The following GGH variants were observed in gnomAD, a reference collection of about 807,000 sequenced individuals.
The protein encoded by GGH is gamma-Glu-X carboxypeptidase.
GGH carries 18 observed loss-of-function variants against 39.2 expected under a neutral mutation model. That is an observed-to-expected ratio of 0.46 (90% CI 0.32 to 0.68). The LOEUF (loss-of-function observed/expected upper bound fraction) is 0.68. Ranked by LOEUF, GGH falls within the 30% of genes least tolerant of loss-of-function variation. The probability of loss-of-function intolerance (pLI) is 0.04; values close to 1 mark genes in which losing one functional copy is unlikely to be tolerated. For missense variants in GGH, 367 were observed against 384.1 expected (o/e 0.96, Z 0.37); for synonymous variants, 147 against 138.8 (o/e 1.06, Z -0.42).
Position 63,038,676 on chromosome 8 carries a change from G to T in GGH, c.93C>A (p.Ala31=). ...CCTCCTTACCGATGATGGGCTTCTT[G>T]GCGGTGTCGCCGTGGGGTCTAGACA... is the stretch of plus-strand genomic sequence containing the variant. ...LELSRPHGDT[A]KKPIIGILMQ... The change falls in exon 1 of 9, where the codon GCC becomes GCA. Residue 31 remains alanine, a synonymous_variant. Transcript: ENST00000260118. 3 of 1,537,366 alleles carry T rather than the reference G, an allele frequency of 2.0e-6. No homozygotes were observed. The highest frequency in any genetic ancestry group is 2.8e-5 in the African/African-American group (2 of 71,698).
intron 3 of GGH, among the ~76,000 whole-genome samples, chr8:63,029,039 A>C (rs1804752098): frequency 6.6e-6 from 1 of 152,246 alleles, no homozygotes; most frequent in African/African-American, 2.4e-5. Context: ...TTACTGAACC[A>C]AACTGAACTG....
intron 8 of GGH, among the ~76,000 whole-genome samples, chr8:63,017,116 A>G (rs531255402): frequency 2.0e-5 from 3 of 152,288 alleles, no homozygotes; most frequent in East Asian, 3.9e-4. Context: ...CCCTGAGCCC[A>G]GGAGTTTGAG....
At chr8:63,035,928 A>C (rs1804899959) in intron 1 of GGH, among the ~76,000 whole-genome samples, 158 bp from the exon 2 acceptor site, 1 of 152,210 alleles carries the variant, frequency 6.6e-6, no homozygotes, top group Non-Finnish European at 1.5e-5. Flanking sequence ...ATGGGAAAGC[A>C]GCAGGGGAGG....
chr8:63,029,949 T>C (rs939609674), intron 3 of GGH: 2 of 369,974 alleles, frequency 5.4e-6, no homozygotes, highest in Non-Finnish European at 9.7e-6. Flanking sequence ...GTGTCTACTA[T>C]GTAACAATTA....
rs894580723 is a variant in GGH at position 63,015,444 on chromosome 8, T to C, written c.845A>G (p.Asn282Ser). 1.9e-6 allele frequency: 3 copies of C among 1,544,566 alleles called. No homozygotes were observed. In the East Asian group the frequency reaches 6.8e-5, roughly 35 times the overall value. The change falls in exon 9 of 9, where the codon AAC becomes AGC. Residue 282 changes from asparagine (N) to serine (S), a missense_variant. Physicochemically the swap from Asn to Ser is conservative, Grantham distance 46 (BLOSUM62 1). Coordinates refer to ENST00000260118, the MANE Select transcript of GGH (RefSeq NM_003878.3). ...AGATTCAGATTTAAAATGATGGTTGTTTTTCCGAGCTGCAAGAAAAAAAGT... is the reference window on the plus strand; with the variant it reads ...AGATTCAGATTTAAAATGATGGTTGCTTTTCCGAGCTGCAAGAAAAAAAGT... The part of the protein sequence containing the change: ...AEFFVNEARK[N>S]NHHFKSESEE...
Position 63,035,639 on chromosome 8 carries a change from A to ACC in GGH, c.224+16_224+17insGG. The ACC allele has an allele frequency of 6.3e-7, 1 of 1,580,666 alleles. No homozygotes were observed. Among genetic ancestry groups the ACC allele is most frequent in the Admixed American group, 2.0e-5 (1 of 50,496 alleles). On this transcript the variant is annotated intron_variant, in intron 2 of 8. Coordinates refer to ENST00000260118, the MANE Select transcript of GGH (RefSeq NM_003878.3). ...TTTTATACAGAGTAAAAAAAAAAAA[A>ACC]AAACACTGAATCATACCTTACTGGT...
Position 63,017,648 on chromosome 8 carries a change from A to G in GGH, c.698-18T>C, listed in dbSNP as rs1804510354. 2.7e-6 allele frequency: 4 copies of G among 1,496,344 alleles called. No individual in the cohort carries two copies. The highest frequency in any genetic ancestry group is 3.7e-6 in the Non-Finnish European group (4 of 1,091,034). The allele number at this position is 1,496,344 out of a possible 1,614,324, so 92.7% of individuals were successfully genotyped here. A position where few individuals can be genotyped will look rare whatever the true frequency, so the allele number is the denominator to read the frequency against. ...CTTATATCCTGTAAGAAGAACACAA[A>G]TTAGTAAGTACTAAGAATGGTTTAA... is the stretch of plus-strand genomic sequence containing the variant. On this transcript the variant is annotated intron_variant, in intron 7 of 8. Transcript: ENST00000260118.
intron 2 of GGH, among the ~76,000 whole-genome samples, chr8:63,031,890 T>C (rs1408971698): frequency 6.6e-6 from 1 of 152,238 alleles, no homozygotes; most frequent in Non-Finnish European, 1.5e-5. Flanking sequence ...CTGGTGATGA[T>C]GGCAAATGAC....
intron 8 of GGH, 91 bp from the exon 9 acceptor site, chr8:63,015,544 T>A (rs1385677789): frequency 4.1e-6 from 3 of 726,616 alleles, no homozygotes; most frequent in Middle Eastern, 3.8e-4. Flanking sequence ...ATCAGCATTA[T>A]TAAGTGGGAA....
At chr8:63,031,022 C>G (rs1019312663) in intron 2 of GGH, among the ~76,000 whole-genome samples, 2 of 152,206 alleles carry the variant, frequency 1.3e-5, no homozygotes, top group Admixed American at 6.5e-5. Context: ...CTTGCAAGAA[C>G]TCTCCCACAT....
Position 63,024,079 on chromosome 8 carries a change from C to T in GGH, c.606+1G>A. 1.3e-6 allele frequency: 2 copies of T among 1,581,832 alleles called. No individual in the cohort carries two copies. Among genetic ancestry groups the T allele is most frequent in the East Asian group, 2.2e-5 (1 of 44,648 alleles). On this transcript the variant is annotated splice_donor_variant, in intron 6 of 8. Transcript: ENST00000260118. LOFTEE classifies it high-confidence loss of function. Reference sequence around the variant, plus strand: ...ATTTCATTGTGTAATTAGTGTGATACCTTCACGGAGAGGCTCCACTTATGG... The same window carrying T: ...ATTTCATTGTGTAATTAGTGTGATATCTTCACGGAGAGGCTCCACTTATGG...
Position 63,015,308 on chromosome 8 carries a change from GCT to G in GGH, c.*22_*23del, listed in dbSNP as rs1263928791. 2.5e-6 allele frequency: 3 copies of G among 1,208,032 alleles called. No homozygotes were observed. The highest frequency in any genetic ancestry group is 2.4e-5 in the East Asian group (1 of 41,614). 74.8% of individuals were successfully genotyped at this position (1,208,032 alleles called of 1,614,324 possible). On this transcript the variant is annotated 3_prime_UTR_variant, in exon 9 of 9. Coordinates refer to ENST00000260118, the MANE Select transcript of GGH (RefSeq NM_003878.3). The stretch of plus-strand genomic sequence containing the variant: ...TTTAATCATGGAATTATTCAAATTT[GCT>G]CTGTTAACAAATTGAAGACTTTCAA...
In GGH at chr8:63,024,108, T is replaced by C. The variant is rs146109145; in HGVS notation, c.578A>G (p.Asn193Ser). The change falls in exon 6 of 9, where the codon AAT becomes AGT. Residue 193 changes from asparagine to serine, a missense_variant. By Grantham distance (46) the Asn-to-Ser change is conservative. Coordinates refer to ENST00000260118, the MANE Select transcript of GGH (RefSeq NM_003878.3). ...CACGGAGAGGCTCCACTTATGGAAA[T>C]TGGCAGTCAGAGGTTCTACTGCTAA... ...LSLAVEPLTANFHKWSLSVKN... is the reference protein window; with the variant it reads ...LSLAVEPLTASFHKWSLSVKN... 68 of 1,609,304 alleles carry C rather than the reference T, an allele frequency of 4.2e-5. No individual in the cohort carries two copies. The East Asian group carries it at 4.2e-4, about 10-fold the overall frequency.
At position 63,027,203 on chromosome 8, in the gene GGH, AT is replaced by A; in HGVS notation, c.337del (p.Ile113TyrfsTer31). 1 of 1,530,578 alleles carries A rather than the reference AT, an allele frequency of 6.5e-7. No homozygotes were observed. The highest frequency in any genetic ancestry group is 9.1e-7 in the Non-Finnish European group (1 of 1,104,114). The allele number at this position is 1,530,578 out of a possible 1,614,324, so 94.8% of individuals were successfully genotyped here. A position where few individuals can be genotyped will look rare whatever the true frequency, so the allele number is the denominator to read the frequency against. ...RRSDYAKVAK[I>X]FYNLSIQSFD... ...TACCTGTATGGACAAGTTATAAAATATTTTGGCCACTTTAGCATAATCTGAG... is the reference window on the plus strand; with the variant it reads ...TACCTGTATGGACAAGTTATAAAATATTTGGCCACTTTAGCATAATCTGAG... On this transcript the variant is annotated frameshift_variant, in exon 4 of 9. Coordinates refer to ENST00000260118, the MANE Select transcript of GGH (RefSeq NM_003878.3). LOFTEE classifies it high-confidence loss of function.
intron 3 of GGH, among the ~76,000 whole-genome samples, chr8:63,029,577 T>C (rs1455281838): frequency 6.6e-6 from 1 of 152,174 alleles, no homozygotes; most frequent in Non-Finnish European, 1.5e-5. Context: ...TACGTGTTTC[T>C]AATTTCAATA....
intron 2 of GGH, among the ~76,000 whole-genome samples, chr8:63,032,316 G>T (rs983736030): frequency 7.8e-4 from 119 of 152,256 alleles, no homozygotes; most frequent in African/African-American, 2.8e-3. Flanking sequence ...GATAATAGAC[G>T]TGAGCCACCG....
chr8:63,027,309 C>G (rs377550396), intron 3 of GGH, 44 bp from the exon 4 acceptor site: 3 of 978,376 alleles, frequency 3.1e-6, no homozygotes, highest in African/African-American at 3.2e-5. Context: ...ATTTTGCCAC[C>G]CCCGACCCAT....
At chr8:63,025,025 G>A (rs769032580) in intron 5 of GGH, 1 of 152,200 alleles carries the variant, frequency 6.6e-6, no homozygotes, top group African/African-American at 2.4e-5. Context: ...AAATCCCTAT[G>A]AGAACAGAAA....
chr8:63,027,713 A>G lies in GGH; in HGVS notation c.276-448T>C, dbSNP rs541840425. On this transcript the variant is annotated intron_variant, in intron 3 of 8. Transcript: ENST00000260118. ...TTTAACTATAAAGAACAAGCTGGTC[A>G]TAAAAATATATTTAAGCTAGAATTA... 1.5e-4 allele frequency among the ~76,000 whole-genome samples: 23 copies of G among 152,320 alleles called. No individual in the cohort carries two copies. In the East Asian group the frequency reaches 4.4e-3, roughly 29 times the overall value.
Sources: gnomAD v4.1 joint callset for allele counts (sites outside exome capture counted in the v4.1 genomes callset) on GRCh38, gnomAD v4.1.1 for gene constraint, MANE v1.5 for transcripts, NCBI Gene and HGNC (gene_info 2026-07-23, HGNC 2026-07-21) for gene names.